Variants in SI observed in about 807,000 individuals in gnomAD.
The protein encoded by SI is sucrase-isomaltase, intestinal.
In SI, 235 loss-of-function variants were observed where a neutral mutation model predicts 253.3. The observed-to-expected ratio is 0.93, with a 90% CI of 0.83 to 1.03. SI has a LOEUF of 1.03. Ranked by LOEUF, SI falls within the 50% of genes least tolerant of loss-of-function variation. SI has a pLI of 0.00. For synonymous variants in SI, 819 were observed against 712.0 expected, an observed-to-expected ratio of 1.15 and a Z score of -2.39; for missense variants, 2,442 against 2,211.1, an observed-to-expected ratio of 1.10 and a Z score of -2.09.
chr3:165,074,698 A>G, intron 2 of SI, 31 bp from the exon 3 acceptor site: 2 of 1,556,648 alleles, frequency 1.3e-6, no homozygotes, highest in Non-Finnish European at 1.8e-6. Flanking sequence ...ATAAAATAAA[A>G]CATGACATTA....
At chr3:165,024,883 C>T (rs1711822682) in intron 25 of SI, among the ~76,000 whole-genome samples, 1 of 151,192 alleles carries the variant, frequency 6.6e-6, no homozygotes, top group Non-Finnish European at 1.5e-5. Flanking sequence ...ATCCCTAGTA[C>T]TACATCTAAT....
At chr3:165,038,127 C>G (rs562656021) in intron 20 of SI, 103 bp from the exon 21 acceptor site, 1 of 1,036,414 alleles carries the variant, frequency 9.6e-7, no homozygotes, top group Non-Finnish European at 1.5e-6. Flanking sequence ...TTCATGTCAT[C>G]CAAATGAATA....
rs549973798 is a variant in SI at position 165,012,787 on chromosome 3, G to T, written c.4062+193C>A. 8.5e-5 allele frequency among the ~76,000 whole-genome samples: 13 copies of T among 152,186 alleles called. No individual in the cohort carries two copies. In the East Asian group the frequency reaches 2.3e-3, roughly 27 times the overall value. Reference sequence around the variant, plus strand: ...ATTAAATAAAGCAAAATATAAAATTGCTTAATAGGGTGACTGGTACTTTGT... The same window carrying T: ...ATTAAATAAAGCAAAATATAAAATTTCTTAATAGGGTGACTGGTACTTTGT... On this transcript the variant is annotated intron_variant, in intron 34 of 47. Transcript: ENST00000264382.
chr3:165,041,143 A>G (rs771913882), intron 17 of SI, 49 bp from the exon 18 acceptor site: 8 of 1,545,538 alleles, frequency 5.2e-6, no homozygotes, highest in Non-Finnish European at 6.3e-6. Flanking sequence ...AGTATGAGTG[A>G]AAATTAAAGT....
intron 4 of SI, 100 bp downstream of exon 4, chr3:165,068,978 A>G: frequency 1.9e-6 from 2 of 1,060,342 alleles, no homozygotes; most frequent in South Asian, 1.3e-5. Context: ...GAACATTCTC[A>G]GGAACATATT....
intron 26 of SI, among the ~76,000 whole-genome samples, chr3:165,022,439 C>T (rs1711671579): frequency 6.6e-6 from 1 of 151,046 alleles, no homozygotes; most frequent in Non-Finnish European, 1.5e-5. Context: ...TAAAAACAGA[C>T]ACTTTTTTAT....
Position 164,998,529 on chromosome 3 carries a change from C to T in SI, c.4540+11G>A. 6.2e-7 allele frequency: 1 copy of T among 1,611,252 alleles called. No individual in the cohort carries two copies. Among genetic ancestry groups the T allele is most frequent in the Non-Finnish European group, 8.5e-7 (1 of 1,177,988 alleles). ...CACAAAATAATAATAAAGATGGTGA[C>T]TTTCACTTACCAATGATTGATTTGT... On this transcript the variant is annotated intron_variant, in intron 38 of 47. Coordinates refer to ENST00000264382, the MANE Select transcript of SI (RefSeq NM_001041.4).
chr3:165,046,184 T>A (rs949182783), intron 16 of SI, among the ~76,000 whole-genome samples: 35 of 152,084 alleles, frequency 2.3e-4, no homozygotes, highest in Non-Finnish European at 8.8e-5. Flanking sequence ...CTTTTATTGA[T>A]CGGGTTTTTG....
At chr3:164,984,733 AC>A (rs1049253264) in intron 45 of SI, among the ~76,000 whole-genome samples, 59 of 152,264 alleles carry the variant, frequency 3.9e-4, no homozygotes, top group African/African-American at 1.4e-3. Context: ...ATTTTGATTT[AC>A]CTTTAATTAT....
chr3:165,011,970 G>T (rs1422468466), intron 34 of SI, among the ~76,000 whole-genome samples: 1 of 151,700 alleles, frequency 6.6e-6, no homozygotes, highest in Non-Finnish European at 1.5e-5. Flanking sequence ...ATTATATAAT[G>T]ACTTCTTTTG....
intron 28 of SI, among the ~76,000 whole-genome samples, chr3:165,018,462 A>T (rs145054825): frequency 6.6e-6 from 1 of 150,956 alleles, no homozygotes; most frequent in Admixed American, 6.6e-5. Context: ...TATTTTTTCC[A>T]TAGTAAAATG....
chr3:165,066,082 A>C (rs946928338), intron 6 of SI, among the ~76,000 whole-genome samples: 10 of 151,968 alleles, frequency 6.6e-5, no homozygotes, highest in African/African-American at 2.4e-4. Flanking sequence ...AGAATGGTGC[A>C]TCTATACTGA....
chr3:165,059,957 G>C lies in SI; in HGVS notation c.1091C>G (p.Ser364Ter), dbSNP rs1480026304. 1 of 1,612,074 alleles carries C rather than the reference G, an allele frequency of 6.2e-7. No individual in the cohort carries two copies. The highest frequency in any genetic ancestry group is 8.5e-7 in the Non-Finnish European group (1 of 1,178,686). ...TACCACTTCTTTCACTACATCTAGTGACTTATAATTCCAGCGACTTAGTTG... is the reference window on the plus strand; with the variant it reads ...TACCACTTCTTTCACTACATCTAGTCACTTATAATTCCAGCGACTTAGTTG... ...GFQLSRWNYKSLDVVKEVVRR... is the reference protein window; with the variant it reads ...GFQLSRWNYK Residue 364 changes from serine to a stop codon, truncating the protein, a stop_gained, in exon 10 of 48, where the codon TCA (serine) becomes TGA (stop). Transcript: ENST00000264382. LOFTEE classifies it high-confidence loss of function.
At chr3:164,983,093 A>G in intron 45 of SI, 42 bp from the exon 46 acceptor site, 1 of 1,513,266 alleles carries the variant, frequency 6.6e-7, no homozygotes, top group Non-Finnish European at 9.1e-7. Context: ...GTTATTTCCA[A>G]AGAAGAACCA....
chr3:165,083,169 T>C (rs1226954710), upstream of SI, among the ~76,000 whole-genome samples: 1 of 151,930 alleles, frequency 6.6e-6, no homozygotes, highest in Non-Finnish European at 1.5e-5. Context: ...ATTTTCTCTC[T>C]TTTCTTTCTT....
chr3:165,045,337 A>G (rs1481366591), intron 16 of SI, among the ~76,000 whole-genome samples: 4 of 152,034 alleles, frequency 2.6e-5, no homozygotes, highest in Non-Finnish European at 4.4e-5. Context: ...TTACTTAGCT[A>G]TCACTTATAT....
chr3:165,028,694 C>T (rs570849279), intron 25 of SI, among the ~76,000 whole-genome samples: 4 of 151,330 alleles, frequency 2.6e-5, no homozygotes, highest in African/African-American at 9.7e-5. Flanking sequence ...GAGGAAAGGA[C>T]ATCCTATTCA....
chr3:165,080,234 T>C (rs935172469), upstream of SI, among the ~76,000 whole-genome samples: 4 of 152,024 alleles, frequency 2.6e-5, no homozygotes, highest in Non-Finnish European at 4.4e-5. Flanking sequence ...AGAGAAATAG[T>C]TAACAAGTTG....
intron 45 of SI, among the ~76,000 whole-genome samples, chr3:164,986,031 C>CTAA (rs112617507): frequency 0.048 from 7,309 of 152,082 alleles, 588 homozygotes; most frequent in African/African-American, 0.17. Context: ...ATGCTAAATA[C>CTAA]TACCAAAAAC....
Sources: allele counts gnomAD v4.1 joint callset (sites outside exome capture counted in the v4.1 genomes callset), GRCh38; gene constraint gnomAD v4.1.1; transcripts MANE v1.5; gene names NCBI Gene and HGNC (gene_info 2026-07-23, HGNC 2026-07-21).